Variants in HLX observed in about 807,000 individuals in gnomAD.
HLX encodes the protein H2.0-like homeobox protein.
In HLX, 6 loss-of-function variants were observed where a neutral mutation model predicts 27.7. The observed-to-expected ratio is 0.22, with a 90% CI of 0.12 to 0.43. HLX has a LOEUF of 0.43. HLX is among the 20% of genes least tolerant of loss of function. The pLI, the probability that HLX is intolerant of heterozygous loss-of-function variation, is 1.00. For synonymous variants in HLX, 328 were observed against 293.8 expected, an observed-to-expected ratio of 1.12 and a Z score of -1.19; for missense variants, 666 against 655.2, an observed-to-expected ratio of 1.02 and a Z score of -0.18.
At position 220,884,325 on chromosome 1, in the gene HLX, A is replaced by G. The variant is rs141255580; in HGVS notation, c.1088A>G (p.Asp363Gly). The G allele has an allele frequency of 6.2e-7, 1 of 1,613,652 alleles. No homozygotes were observed. Residue 363 changes from aspartate (D) to glycine (G), a missense_variant, in exon 4 of 4, where the codon GAC becomes GGC. By Grantham distance (94) the Asp-to-Gly change is moderately conservative (BLOSUM62 -1). Transcript: ENST00000366903. This position sits in a 1 kb window ranked among gnomAD's most constrained non-coding sequence, Gnocchi z 4.9. ...GGAPAADGEQ[D>G]ERSPSRSEGE... ...GCCCCGGCTGCGGATGGCGAGCAGG[A>G]CGAGAGGAGCCCCAGCCGTTCTGAA...
In HLX at chr1:220,881,250, C is replaced by A; in HGVS notation, c.649C>A (p.Gln217Lys). Residue 217 changes from glutamine to lysine, a missense_variant, in exon 2 of 4, where the codon CAG (glutamine) becomes AAG (lysine). Gln to Lys is a moderately conservative substitution (Grantham distance 53, BLOSUM62 1). Transcript: ENST00000366903. Reference sequence around the variant, plus strand: ...CGCCGGGGTGCACCTCTCAGGCCTGCAGCCCTCGGCCGGCCAGTTCTTCGC... The same window carrying A: ...CGCCGGGGTGCACCTCTCAGGCCTGAAGCCCTCGGCCGGCCAGTTCTTCGC... The part of the protein sequence containing the change: ...RPAGVHLSGL[Q>K]PSAGQFFASL... 6.2e-7 allele frequency: 1 copy of A among 1,614,156 alleles called. No homozygotes were observed. The highest frequency in any genetic ancestry group is 8.5e-7 in the Non-Finnish European group (1 of 1,179,960).
In HLX at chr1:220,881,898, G is replaced by A. The variant is rs148419503; in HGVS notation, c.773-266G>A. 1.6e-3 allele frequency: 853 copies of A among 529,702 alleles called. 10 individuals are homozygous for A. Among genetic ancestry groups the A allele is most frequent in the African/African-American group, 0.014 (758 of 52,556 alleles). 32.8% of individuals were successfully genotyped at this position (529,702 alleles called of 1,614,324 possible). ...TCGTAGGCCTGATGGCCACGCATGA[G>A]GTTTATGTTTTTCTCTTGGAATTAA... On this transcript the variant is annotated intron_variant, in intron 2 of 3. Transcript: ENST00000366903.
In HLX at chr1:220,880,148, A is replaced by C. The variant is rs567140647; in HGVS notation, c.291A>C (p.Pro97=). The C allele has an allele frequency of 5.1e-5, 82 of 1,611,746 alleles. No individual in the cohort carries two copies. The African/African-American group carries it at 9.9e-4, about 19-fold the overall frequency. The change falls in exon 1 of 4, where the codon CCA becomes CCC. Residue 97 remains proline, a synonymous_variant. Transcript: ENST00000366903. ...AAARSPLRPT[P]VVAPSEVPAG... ...CCAGATCCCCGCTTCGACCCACCCC[A>C]GTGGTGGCGCCCTCCGAAGTCCCGG...
chr1:220,880,723 A>G (rs141954523), intron 1 of HLX: 56 of 561,096 alleles, frequency 1.0e-4, no homozygotes, highest in African/African-American at 9.4e-4. Flanking sequence ...TGCTAACATG[A>G]CTTTGATCTC....
chr1:220,882,360 C>T lies in HLX; in HGVS notation c.957+12C>T. 6.2e-7 allele frequency: 1 copy of T among 1,613,530 alleles called. No individual in the cohort carries two copies. Among genetic ancestry groups the T allele is most frequent in the Non-Finnish European group, 8.5e-7 (1 of 1,179,762 alleles). ...TCACGGACGCACAGGTAAGGCAGTT[C>T]TGGCTCCAGCGCACAGCGCCCTCGG... On this transcript the variant is annotated intron_variant, in intron 3 of 3. Transcript: ENST00000366903.
chr1:220,884,845 C>T lies in HLX; in HGVS notation c.*141C>T. 2 of 1,334,404 alleles carry T rather than the reference C, an allele frequency of 1.5e-6. No homozygotes were observed. Among genetic ancestry groups the T allele is most frequent in the Non-Finnish European group, 2.0e-6 (2 of 992,896 alleles). 82.7% of individuals were successfully genotyped at this position (1,334,404 alleles called of 1,614,324 possible). On this transcript the variant is annotated 3_prime_UTR_variant, in exon 4 of 4. Transcript: ENST00000366903. The surrounding 1 kb of genome is among the most constrained non-coding windows in gnomAD (Gnocchi z 4.9). ...TACCTCCCGACATTCACGCTTCGCC[C>T]CACGCTGCTCCGACTGGCTGCAGCG...
At chr1:220,880,618 C>A in intron 1 of HLX, 169 bp downstream of exon 1, 1 of 706,636 alleles carries the variant, frequency 1.4e-6, no homozygotes, top group Non-Finnish European at 2.5e-6. Flanking sequence ...CTAAAACTCA[C>A]CTGTTCTATG....
At chr1:220,881,979 G>A in intron 2 of HLX, 185 bp from the exon 3 acceptor site, 1 of 691,940 alleles carries the variant, frequency 1.4e-6, no homozygotes. Flanking sequence ...TCCGACTGTC[G>A]TGTAAAATTC....
At chr1:220,881,616 G>C (rs1204515989) in intron 2 of HLX, 1 of 580,852 alleles carries the variant, frequency 1.7e-6, no homozygotes, top group African/African-American at 1.9e-5. Flanking sequence ...ACGGTGGGGT[G>C]GGGGGCTTTC....
In HLX at chr1:220,884,494, CAGTGCTGGG is replaced by C. The variant is rs1304345801; in HGVS notation, c.1262_1270del (p.Ala421_Ser423del). The C allele has an allele frequency of 1.2e-6, 2 of 1,613,938 alleles. No individual in the cohort carries two copies. The highest frequency in any genetic ancestry group is 2.7e-5 in the African/African-American group (2 of 74,924). ...TCACTGGCGCCCTCATTACCGCCAG[CAGTGCTGGG>C]AGTGGTGGGAGCAGCGGCGGCGGCG... On this transcript the variant is annotated inframe_deletion, in exon 4 of 4. Coordinates refer to ENST00000366903, the MANE Select transcript of HLX (RefSeq NM_021958.4). The surrounding 1 kb of genome is among the most constrained non-coding windows in gnomAD (Gnocchi z 4.9).
chr1:220,882,133 T>C, intron 2 of HLX, 31 bp from the exon 3 acceptor site: 1 of 1,611,982 alleles, frequency 6.2e-7, no homozygotes, highest in South Asian at 1.1e-5. Flanking sequence ...CCCTCTTGTC[T>C]TTCTTCCCTC....
At position 220,880,042 on chromosome 1, in the gene HLX, A is replaced by C. The variant is rs1674388566; in HGVS notation, c.185A>C (p.Glu62Ala). 1.3e-6 allele frequency: 2 copies of C among 1,589,932 alleles called. No individual in the cohort carries two copies. The highest frequency in any genetic ancestry group is 1.3e-5 in the African/African-American group (1 of 74,474). ...AGVGDLGAAPEGLAGASAAAL... is the reference protein window; with the variant it reads ...AGVGDLGAAPAGLAGASAAAL... Reference sequence around the variant, plus strand: ...GTGGGGGATCTGGGGGCGGCCCCGGAGGGCCTGGCAGGGGCCTCGGCCGCC... The same window carrying C: ...GTGGGGGATCTGGGGGCGGCCCCGGCGGGCCTGGCAGGGGCCTCGGCCGCC... Residue 62 changes from glutamate to alanine, a missense_variant, in exon 1 of 4, where the codon GAG becomes GCG. Glu to Ala is a moderately radical substitution (Grantham distance 107). Coordinates refer to ENST00000366903, the MANE Select transcript of HLX (RefSeq NM_021958.4).
In HLX at chr1:220,882,430, C is replaced by G. The variant is rs1038833936; in HGVS notation, c.957+82C>G. The G allele has an allele frequency of 3.8e-6, 5 of 1,326,236 alleles. No homozygotes were observed. In the African/African-American group the frequency reaches 5.8e-5, roughly 15 times the overall value. 82.2% of individuals were successfully genotyped at this position (1,326,236 alleles called of 1,614,324 possible). On this transcript the variant is annotated intron_variant, in intron 3 of 3. Coordinates refer to ENST00000366903, the MANE Select transcript of HLX (RefSeq NM_021958.4). ...CTAGTCTGGTAGGTCCCCTCCATCC[C>G]GGCCGACTGGCCTCCTGCGGTGCAA... is the stretch of plus-strand genomic sequence containing the variant.
chr1:220,882,900 G>A (rs1219312915), intron 3 of HLX: 3 of 154,692 alleles, frequency 1.9e-5, no homozygotes, highest in African/African-American at 7.2e-5. Flanking sequence ...ACATTACAAG[G>A]CTTAGGCTCT....
In HLX at chr1:220,879,888, G is replaced by A. The variant is rs1391815897; in HGVS notation, c.31G>A (p.Ala11Thr). 4 of 1,590,186 alleles carry A rather than the reference G, an allele frequency of 2.5e-6. No individual in the cohort carries two copies. In the East Asian group the frequency reaches 6.8e-5, roughly 27 times the overall value. ...CGCAGCCGGGCTGGCTCCCTTCTAC[G>A]CCTCCAACTTCAGCCTCTGGTCGGC... MFAAGLAPFY[A>T]SNFSLWSAAY... Residue 11 changes from alanine (A) to threonine (T), a missense_variant, in exon 1 of 4, where the codon GCC (alanine) becomes ACC (threonine). Ala to Thr is a moderately conservative substitution (Grantham distance 58). Transcript: ENST00000366903.
intron 3 of HLX, chr1:220,883,295 AC>A (rs1674498641): frequency 2.9e-5 from 1 of 34,874 alleles, no homozygotes; most frequent in Non-Finnish European, 5.4e-5. Context: ...ACACACACAC[AC>A]ACACACACAC....
At position 220,881,388 on chromosome 1, in the gene HLX, C is replaced by A; in HGVS notation, c.772+15C>A. On this transcript the variant is annotated intron_variant, in intron 2 of 3. Coordinates refer to ENST00000366903, the MANE Select transcript of HLX (RefSeq NM_021958.4). ...CACGTTTCCAGGTACGGAAAAACTCCAGAGTACTGCCTAACGGGCGAGCCG... is the reference window on the plus strand; with the variant it reads ...CACGTTTCCAGGTACGGAAAAACTCAAGAGTACTGCCTAACGGGCGAGCCG... 1 of 1,605,854 alleles carries A rather than the reference C, an allele frequency of 6.2e-7. No individual in the cohort carries two copies. Among genetic ancestry groups the A allele is most frequent in the South Asian group, 1.1e-5 (1 of 90,872 alleles).
Position 220,880,612 on chromosome 1 carries a change from A to G in HLX, c.592+163A>G, listed in dbSNP as rs559181328. ...GAAAACTACAAAACATTAGGTCTAAAACTCACCTGTTCTATGTAAAACAAA... is the reference window on the plus strand; with the variant it reads ...GAAAACTACAAAACATTAGGTCTAAGACTCACCTGTTCTATGTAAAACAAA... On this transcript the variant is annotated intron_variant, in intron 1 of 3. Coordinates refer to ENST00000366903, the MANE Select transcript of HLX (RefSeq NM_021958.4). 7 of 741,908 alleles carry G rather than the reference A, an allele frequency of 9.4e-6. No individual in the cohort carries two copies. The East Asian group carries it at 1.9e-4, about 20-fold the overall frequency. 46.0% of individuals were successfully genotyped at this position (741,908 alleles called of 1,614,324 possible).
rs1674386321 is a variant in HLX, at chr1:220,879,959, G to C, written c.102G>C (p.Leu34Phe). 3.1e-6 allele frequency: 5 copies of C among 1,598,334 alleles called. No individual in the cohort carries two copies. In the African/African-American group the frequency reaches 4.0e-5, roughly 13 times the overall value. The part of the protein sequence containing the change: ...SAGPGGCSFP[L>F]DPAAVKKPSF... ...GCCCAGGCGGCTGCTCCTTCCCCTT[G>C]GACCCCGCCGCCGTCAAAAAGCCCT... The change falls in exon 1 of 4, where the codon TTG becomes TTC. Residue 34 changes from leucine to phenylalanine, a missense_variant. Transcript: ENST00000366903.
Sources: gnomAD v4.1 joint callset for allele counts on GRCh38, gnomAD v4.1.1 for gene constraint, Gnocchi (gnomAD v3.1) non-coding constraint, MANE v1.5 for transcripts, NCBI Gene and HGNC (gene_info 2026-07-23, HGNC 2026-07-21) for gene names.